Variants in SIRT4 observed in about 807,000 individuals in gnomAD.
SIRT4 encodes sirtuin 4.
A neutral mutation model predicts 26.1 loss-of-function variants in SIRT4; 23 were observed. The ratio of observed to expected loss-of-function variants is 0.88; its 90% confidence interval spans 0.63 to 1.25. The LOEUF (loss-of-function observed/expected upper bound fraction) is 1.25, where lower values mean the gene tolerates loss of function less well. Among genes scored for constraint, SIRT4 ranks in the 50% most tolerant of loss-of-function variants. The pLI, the probability that SIRT4 is intolerant of heterozygous loss-of-function variation, is 0.00. For synonymous variants in SIRT4, 155 were observed against 158.4 expected (o/e 0.98, Z 0.16); for missense variants, 361 against 405.4 (o/e 0.89, Z 0.94).
chr12:120,298,484 C>T (rs563867333), upstream of SIRT4, among the ~76,000 whole-genome samples: 1 of 151,662 alleles, frequency 6.6e-6, no homozygotes, highest in African/African-American at 2.4e-5. Context: ...CCCAGCTACT[C>T]AGGAGGCTGA....
At chr12:120,309,929 C>A (rs1031853513) in intron 2 of SIRT4, among the ~76,000 whole-genome samples, 1 of 151,728 alleles carries the variant, frequency 6.6e-6, no homozygotes, top group African/African-American at 2.4e-5. Context: ...GTTGGCCAGG[C>A]GGGTCTCAAA....
At chr12:120,294,369 T>C in the SIRT4 span, among the ~76,000 whole-genome samples, 1 of 151,144 alleles carries the variant, frequency 6.6e-6, no homozygotes, top group Non-Finnish European at 1.5e-5. Context: ...AATGGCGAGA[T>C]CAACCTCCGC....
the SIRT4 span, among the ~76,000 whole-genome samples, chr12:120,295,467 G>A: frequency 2.3e-5 from 3 of 128,562 alleles, no homozygotes; most frequent in Non-Finnish European, 3.2e-5. Context: ...TCTCCATGTT[G>A]GTCAGGCTGG....
chr12:120,291,817 G>C, the SIRT4 span: 2 of 152,142 alleles, frequency 1.3e-5, no homozygotes, highest in African/African-American at 4.8e-5. Context: ...AAGTCGTCAT[G>C]GCGGGGTATT....
chr12:120,298,500 G>A (rs1162717845), upstream of SIRT4, among the ~76,000 whole-genome samples: 1 of 152,056 alleles, frequency 6.6e-6, no homozygotes, highest in Non-Finnish European at 1.5e-5. Context: ...GCTGAGGTGG[G>A]AGGATGGTTT....
chr12:120,308,574 C>T (rs7137625), intron 2 of SIRT4, among the ~76,000 whole-genome samples: 12,208 of 152,082 alleles, frequency 0.08, 1,416 homozygotes, highest in African/African-American at 0.26. Context: ...TTGTAGATCC[C>T]AGAGGAGTCT....
At chr12:120,310,683 C>T (rs897210706) in intron 2 of SIRT4, among the ~76,000 whole-genome samples, 1 of 151,536 alleles carries the variant, frequency 6.6e-6, no homozygotes, top group Non-Finnish European at 1.5e-5. Context: ...CTGCAGTGAG[C>T]TATGATCATG....
the SIRT4 span, chr12:120,293,057 A>G: frequency 1.6e-4 from 22 of 140,044 alleles, no homozygotes; most frequent in South Asian, 5.0e-4. Flanking sequence ...CCCCACACAC[A>G]CAAAAAAAGC....
rs73219313 is a variant in SIRT4, at chr12:120,310,731, A to G, written c.498-1725A>G. On this transcript the variant is annotated intron_variant, in intron 2 of 3. Transcript: ENST00000202967. ...AGGTAAGAGCCACCACGCCTGGCCA[A>G]GACCCTGTCTCTTTTTTTTTTTTGA... 5.9e-3 allele frequency among the ~76,000 whole-genome samples: 876 copies of G among 148,848 alleles called. 3 individuals carry two copies. The highest frequency in any genetic ancestry group is 0.01 in the Non-Finnish European group (707 of 67,340).
chr12:120,297,335 A>G (rs1191373356), upstream of SIRT4, among the ~76,000 whole-genome samples: 5 of 148,394 alleles, frequency 3.4e-5, no homozygotes, highest in African/African-American at 9.9e-5. Flanking sequence ...AAAAAAAAAA[A>G]AAAAAAGAGA....
At chr12:120,300,464 GA>G (rs1345652814), upstream of SIRT4, among the ~76,000 whole-genome samples, 1 of 151,928 alleles carries the variant, frequency 6.6e-6, no homozygotes, top group Non-Finnish European at 1.5e-5. Context: ...ATTTTTTGAA[GA>G]GATGGGATCT....
the SIRT4 span, among the ~76,000 whole-genome samples, chr12:120,294,548 C>T: frequency 1.3e-5 from 2 of 151,934 alleles, no homozygotes; most frequent in South Asian, 4.1e-4. Context: ...TGAGCCACCG[C>T]GCCCGGTCCC....
chr12:120,301,109 G>T (rs759563743), upstream of SIRT4, among the ~76,000 whole-genome samples: 27 of 152,184 alleles, frequency 1.8e-4, no homozygotes, highest in Non-Finnish European at 3.4e-4. Flanking sequence ...TACTTTGGGA[G>T]GCTAGGGTGG....
At chr12:120,300,587 C>T (rs956678517), upstream of SIRT4, among the ~76,000 whole-genome samples, 4 of 152,102 alleles carry the variant, frequency 2.6e-5, no homozygotes, top group Admixed American at 6.6e-5. Context: ...GCTGGGACTA[C>T]AGGCACACAC....
At chr12:120,304,828 T>C (rs1388963407) in intron 2 of SIRT4, among the ~76,000 whole-genome samples, 898 of 6,206 alleles carry the variant, frequency 0.14, 19 homozygotes, top group Middle Eastern at 0.45. Flanking sequence ...TATATATATA[T>C]ATATATATTT....
chr12:120,303,534 T>C (rs1468747271), intron 1 of SIRT4, 27 bp from the exon 2 acceptor site: 3 of 1,550,916 alleles, frequency 1.9e-6, no homozygotes, highest in Non-Finnish European at 2.6e-6. Context: ...CACCCCAGTT[T>C]CTCACATGAG....
At chr12:120,302,680 T>C (rs1872588130) in intron 1 of SIRT4, among the ~76,000 whole-genome samples, 1 of 152,042 alleles carries the variant, frequency 6.6e-6, no homozygotes, top group Non-Finnish European at 1.5e-5. Flanking sequence ...GATTTATGCA[T>C]TGCATTGTGT....
At chr12:120,299,114 C>T (rs577497080), upstream of SIRT4, among the ~76,000 whole-genome samples, 190 of 138,742 alleles carry the variant, frequency 1.4e-3, no homozygotes, top group Non-Finnish European at 2.5e-3. Flanking sequence ...GCCTGTAGTC[C>T]GGAGGCTGAG....
the SIRT4 span, among the ~76,000 whole-genome samples, chr12:120,292,230 T>TA: frequency 3.3e-5 from 5 of 152,172 alleles, no homozygotes; most frequent in African/African-American, 1.2e-4. Context: ...GACGGACGAC[T>TA]AGCTGTGCTC....
Sources: allele counts gnomAD v4.1 joint callset (sites outside exome capture counted in the v4.1 genomes callset), GRCh38; gene constraint gnomAD v4.1.1; transcripts MANE v1.5; gene names NCBI Gene and HGNC (gene_info 2026-07-23, HGNC 2026-07-21).